Variants in TTC6 observed in about 807,000 individuals in gnomAD.
TTC6 encodes tetratricopeptide repeat protein 6.
TTC6 carries 172 observed loss-of-function variants against 210.4 expected under a neutral mutation model. The observed-to-expected ratio is 0.82, with a 90% CI of 0.72 to 0.93. The LOEUF is 0.93. Among genes scored for constraint, TTC6 ranks in the 40% least tolerant of loss-of-function variants. The probability of loss-of-function intolerance (pLI) is 0.00; values close to 1 mark genes in which losing one functional copy is unlikely to be tolerated. For missense variants in TTC6, 2,414 were observed against 2,318.1 expected, an observed-to-expected ratio of 1.04 and a Z score of -0.85; for synonymous variants, 804 against 819.6, an observed-to-expected ratio of 0.98 and a Z score of 0.32.
chr14:37,796,199 T>A (rs1595279544), intron 18 of TTC6, 95 bp from the exon 21 acceptor site: 2 of 530,844 alleles, frequency 3.8e-6, no homozygotes, highest in East Asian at 7.5e-5. Context: ...TAAGAATGAA[T>A]ATATTGTAAA....
chr14:37,841,716 G>A (rs750664914), intron 30 of TTC6, 46 bp downstream of exon 32: 12 of 1,441,130 alleles, frequency 8.3e-6, no homozygotes, highest in Admixed American at 4.4e-5. Context: ...TGGTTGAAGT[G>A]ATTATTTTTA....
chr14:37,646,278 A>G (rs183256070), intron 1 of TTC6, among the ~76,000 whole-genome samples: 243 of 152,296 alleles, frequency 1.6e-3, no homozygotes, highest in Non-Finnish European at 2.9e-3. Context: ...TATAAATGTA[A>G]TGTCAAAATA....
Position 37,752,102 on chromosome 14 carries a change from G to A in TTC6, c.3129+877G>A, listed in dbSNP as rs1385508892. On this transcript the variant is annotated intron_variant, in intron 13 of 30. Transcript: ENST00000553443. ...GGCCTCCCAAAGTGGTGGGGTTACA[G>A]GCGTGAGCCACCGTGCCCGGCCAGG... Among the ~76,000 whole-genome samples, 4 of 152,232 alleles carry A rather than the reference G, an allele frequency of 2.6e-5. No individual in the cohort carries two copies. In the South Asian group the frequency reaches 6.2e-4, roughly 24 times the overall value.
intron 14 of TTC6, among the ~76,000 whole-genome samples, chr14:37,765,429 C>G (rs2095996292): frequency 6.6e-6 from 1 of 151,118 alleles, no homozygotes; most frequent in African/African-American, 2.4e-5. Context: ...AATCCCCCAA[C>G]TTTGTGATCC....
At chr14:37,674,206 T>C (rs950222415) in intron 1 of TTC6, among the ~76,000 whole-genome samples, 2 of 152,106 alleles carry the variant, frequency 1.3e-5, no homozygotes, top group Non-Finnish European at 2.9e-5. Flanking sequence ...TTTTGTTCCT[T>C]TTCTCATTTT....
At chr14:37,743,585 G>A (rs2095927470) in intron 10 of TTC6, among the ~76,000 whole-genome samples, 1 of 152,184 alleles carries the variant, frequency 6.6e-6, no homozygotes, top group Non-Finnish European at 1.5e-5. Context: ...ATGTATGTGT[G>A]TATAATAGTG....
chr14:37,644,868 G>C (rs1392382178), intron 1 of TTC6, among the ~76,000 whole-genome samples: 1 of 152,196 alleles, frequency 6.6e-6, no homozygotes, highest in Non-Finnish European at 1.5e-5. Context: ...CCTAGGTTGG[G>C]ATCCTTGATT....
intron 24 of TTC6, among the ~76,000 whole-genome samples, chr14:37,809,765 T>G (rs1167265445): frequency 1.3e-5 from 2 of 152,144 alleles, no homozygotes; most frequent in Non-Finnish European, 2.9e-5. Context: ...GTGCAAACTC[T>G]TGTTTATATT....
intron 2 of TTC6, among the ~76,000 whole-genome samples, chr14:37,611,054 G>A (rs1423270546): frequency 6.6e-6 from 1 of 152,236 alleles, no homozygotes; most frequent in Non-Finnish European, 1.5e-5. Flanking sequence ...CGTCTTTTTA[G>A]CGCCGGGAGA....
intron 1 of TTC6, among the ~76,000 whole-genome samples, chr14:37,624,684 T>C (rs982841012): frequency 1.3e-5 from 2 of 152,012 alleles, no homozygotes; most frequent in African/African-American, 4.8e-5. Flanking sequence ...TGCAGTAGTG[T>C]GGTCTCCGCT....
chr14:37,705,917 G>A (rs1951650), intron 5 of TTC6, among the ~76,000 whole-genome samples: 152,080 of 152,240 alleles, frequency 1, 75,960 homozygotes, highest in Non-Finnish European at 1. Context: ...ATAGTCCGCA[G>A]ACTAGCGGCA....
chr14:37,741,382 A>G (rs1243743864), intron 10 of TTC6, among the ~76,000 whole-genome samples: 4 of 137,880 alleles, frequency 2.9e-5, no homozygotes, highest in Admixed American at 2.5e-4. Flanking sequence ...TCTGCCTCCC[A>G]GGTTCAAGTG....
chr14:37,787,733 A>T, intron 15 of TTC6, 96 bp downstream of exon 17: 1 of 967,504 alleles, frequency 1.0e-6, no homozygotes, highest in East Asian at 2.7e-5. Context: ...TCACTAATGT[A>T]ATATGTATAC....
intron 3 of TTC6, among the ~76,000 whole-genome samples, chr14:37,690,667 A>C (rs190649949): frequency 2.0e-4 from 30 of 152,298 alleles, no homozygotes; most frequent in Admixed American, 2.0e-3. Flanking sequence ...AGGTCAATTC[A>C]GCAAGAGGAT....
chr14:37,799,031 T>A (rs1229626389), intron 20 of TTC6, among the ~76,000 whole-genome samples: 1 of 152,136 alleles, frequency 6.6e-6, no homozygotes, highest in Non-Finnish European at 1.5e-5. Flanking sequence ...ATTGGTTTTG[T>A]GGGATTTGAG....
intron 6 of TTC6, among the ~76,000 whole-genome samples, chr14:37,723,406 T>A (rs1164291655): frequency 6.6e-6 from 1 of 152,232 alleles, no homozygotes; most frequent in Non-Finnish European, 1.5e-5. Context: ...AATAAATACA[T>A]GTATCTATAC....
At chr14:37,776,832 G>A (rs1350986535) in intron 14 of TTC6, among the ~76,000 whole-genome samples, 1 of 151,996 alleles carries the variant, frequency 6.6e-6, no homozygotes, top group Non-Finnish European at 1.5e-5. Context: ...GGCGGGCTGA[G>A]GTTGCAGTGA....
chr14:37,597,035 G>T (rs563131379), intron 1 of TTC6, among the ~76,000 whole-genome samples: 3 of 150,404 alleles, frequency 2.0e-5, no homozygotes, highest in East Asian at 1.9e-4. Flanking sequence ...CAAAAAGGGT[G>T]GGGGGGTAGA....
chr14:37,613,140 C>G (rs1019177399), intron 2 of TTC6, among the ~76,000 whole-genome samples: 2 of 152,006 alleles, frequency 1.3e-5, no homozygotes. Flanking sequence ...AGGATGTTCT[C>G]TATGATTCAC....
Sources: gnomAD v4.1 joint callset for allele counts (sites outside exome capture counted in the v4.1 genomes callset) on GRCh38, gnomAD v4.1.1 for gene constraint, MANE v1.5 for transcripts, NCBI Gene and HGNC (gene_info 2026-07-23, HGNC 2026-07-21) for gene names.